The following AZIN2 variants were observed in gnomAD, a reference collection of about 807,000 sequenced individuals.
AZIN2 encodes the protein ODC antizyme inhibitor-2.
Under a neutral mutation model 47.8 loss-of-function variants are expected in AZIN2, and 28 were observed. The observed-to-expected ratio is 0.59, with a 90% confidence interval of 0.43 to 0.80. The LOEUF (loss-of-function observed/expected upper bound fraction) is 0.80. AZIN2 is among the 30% of genes least tolerant of loss of function. The pLI is 0.00. For missense variants in AZIN2, 535 were observed against 582.5 expected, an observed-to-expected ratio of 0.92 and a Z score of 0.84; for synonymous variants, 221 against 239.4, an observed-to-expected ratio of 0.92 and a Z score of 0.71.
chr1:33,151,258 G>A, the AZIN2 span, among the ~76,000 whole-genome samples: 1 of 152,120 alleles, frequency 6.6e-6, no homozygotes, highest in South Asian at 2.1e-4. Context: ...CAGGGGACAG[G>A]ATGGGTACAG....
At chr1:33,134,660 G>A in the AZIN2 span, among the ~76,000 whole-genome samples, 2 of 152,216 alleles carry the variant, frequency 1.3e-5, no homozygotes, top group South Asian at 4.1e-4. Flanking sequence ...ACGCAGGGAA[G>A]CTGTGGCATG....
chr1:33,112,522 T>C (rs913626736), intron 10 of AZIN2, among the ~76,000 whole-genome samples: 2 of 152,116 alleles, frequency 1.3e-5, no homozygotes, highest in Non-Finnish European at 2.9e-5. Context: ...GGTACACTCA[T>C]GGAAAACAAA....
the AZIN2 span, among the ~76,000 whole-genome samples, chr1:33,131,161 A>T: frequency 6.6e-6 from 1 of 152,214 alleles, no homozygotes; most frequent in Non-Finnish European, 1.5e-5. Context: ...ATCAAGGAAG[A>T]GCTGGAGGGA....
the AZIN2 span, among the ~76,000 whole-genome samples, chr1:33,134,187 A>C: frequency 1.3e-5 from 2 of 152,230 alleles, no homozygotes; most frequent in African/African-American, 2.4e-5. Flanking sequence ...GGCACGTGGC[A>C]GTCCCTCAAT....
chr1:33,096,944 T>C, intron 9 of AZIN2, 75 bp downstream of exon 9: 1 of 1,577,246 alleles, frequency 6.3e-7, no homozygotes, highest in Non-Finnish European at 8.7e-7. Context: ...CAGGATCTGG[T>C]TTTAGACCCA....
At chr1:33,107,549 C>T (rs1030216276) in intron 10 of AZIN2, among the ~76,000 whole-genome samples, 2 of 152,062 alleles carry the variant, frequency 1.3e-5, no homozygotes. Context: ...CACTGCACTC[C>T]AGCCTGGCGA....
chr1:33,165,410 G>C, the AZIN2 span: 8 of 1,177,658 alleles, frequency 6.8e-6, no homozygotes, highest in South Asian at 1.4e-5. This position sits in a 1 kb window ranked among gnomAD's most constrained non-coding sequence, Gnocchi z 4.0. Context: ...AGCTGGCCCC[G>C]CCCCTCGAAG....
At chr1:33,161,727 C>G in the AZIN2 span, among the ~76,000 whole-genome samples, 4 of 152,204 alleles carry the variant, frequency 2.6e-5, no homozygotes, top group African/African-American at 9.7e-5. The surrounding 1 kb of genome is among the most constrained non-coding windows in gnomAD (Gnocchi z 4.3). Flanking sequence ...CCTGCACCAC[C>G]TGGAGCTGCC....
chr1:33,165,462 C>T, the AZIN2 span: 1 of 1,589,362 alleles, frequency 6.3e-7, no homozygotes, highest in East Asian at 2.3e-5. The surrounding 1 kb of genome is among the most constrained non-coding windows in gnomAD (Gnocchi z 4.0). Context: ...GCGCCCCGGC[C>T]AGGCTCACCT....
chr1:33,130,159 G>A, the AZIN2 span, among the ~76,000 whole-genome samples: 32 of 152,270 alleles, frequency 2.1e-4, no homozygotes, highest in African/African-American at 7.2e-4. Flanking sequence ...GCACCTGGCC[G>A]TAGCTTTGCA....
the AZIN2 span, among the ~76,000 whole-genome samples, chr1:33,148,605 A>G: frequency 2.0e-5 from 3 of 152,242 alleles, no homozygotes; most frequent in Admixed American, 2.0e-4. Context: ...ACATGTTGAC[A>G]TACAAAATAT....
At chr1:33,124,806 T>C (rs988501890), downstream of AZIN2, among the ~76,000 whole-genome samples, 10 of 152,222 alleles carry the variant, frequency 6.6e-5, no homozygotes, top group Non-Finnish European at 1.3e-4. This position sits in a 1 kb window ranked among gnomAD's most constrained non-coding sequence, Gnocchi z 4.6. Flanking sequence ...TTGCTCAGAA[T>C]GATGGTTTCC....
At chr1:33,138,206 G>A in the AZIN2 span, among the ~76,000 whole-genome samples, 1 of 152,162 alleles carries the variant, frequency 6.6e-6, no homozygotes, top group African/African-American at 2.4e-5. Context: ...ACTCAGAATG[G>A]GGGTTAGGAA....
Position 33,096,743 on chromosome 1 carries a change from T to C in AZIN2, c.790T>C (p.Phe264Leu), listed in dbSNP as rs755503582. The C allele has an allele frequency of 1.2e-6, 2 of 1,614,242 alleles. No individual in the cohort carries two copies. Among genetic ancestry groups the C allele is most frequent in the South Asian group, 2.2e-5 (2 of 91,092 alleles). Reference protein sequence around the residue: ...SVINSALDLYFPEGCGVDIFA... With the variant: ...SVINSALDLYLPEGCGVDIFA... ...GATCAACTCAGCCTTGGACCTGTAC[T>C]TCCCAGAGGGCTGTGGCGTGGACAT... The change falls in exon 9 of 12, where the codon TTC (phenylalanine) becomes CTC (leucine). Residue 264 changes from phenylalanine to leucine, a missense_variant. By Grantham distance (22) the Phe-to-Leu change is conservative. Around this residue, in one of 3 missense-constraint regions of AZIN2, gnomAD observed 409 missense variants for 429.0 expected, o/e 0.95. Transcript: ENST00000294517.
In AZIN2 at chr1:33,081,727, G is replaced by A. The variant is rs146133541; in HGVS notation, c.-158G>A. On this transcript the variant is annotated 5_prime_UTR_variant, in exon 3 of 12. Transcript: ENST00000294517. The surrounding 1 kb of genome is among the most constrained non-coding windows in gnomAD (Gnocchi z 4.2). ...GCTCCGAAAGGGTCAGAGGGTACCCGAGGTCAAGCAGTAGAGAGCGGACTC... is the reference window on the plus strand; with the variant it reads ...GCTCCGAAAGGGTCAGAGGGTACCCAAGGTCAAGCAGTAGAGAGCGGACTC... 5.4e-3 allele frequency: 1,023 copies of A among 188,444 alleles called. 13 individuals are homozygous for A. The highest frequency in any genetic ancestry group is 0.023 in the African/African-American group (969 of 41,762). 11.7% of individuals were successfully genotyped at this position (188,444 alleles called of 1,614,324 possible). A position where few individuals can be genotyped will look rare whatever the true frequency, so the allele number is the denominator to read the frequency against.
At chr1:33,145,847 C>T in the AZIN2 span, 4 of 471,062 alleles carry the variant, frequency 8.5e-6, no homozygotes, top group Middle Eastern at 3.2e-4. Flanking sequence ...CTCCACCCAC[C>T]CTAACTTCCT....
chr1:33,149,161 T>G, the AZIN2 span, among the ~76,000 whole-genome samples: 19 of 152,270 alleles, frequency 1.2e-4, no homozygotes, highest in African/African-American at 3.9e-4. Flanking sequence ...TTTTTCTTAT[T>G]TATTTATTGG....
At chr1:33,099,833 A>G (rs182035887) in intron 10 of AZIN2, among the ~76,000 whole-genome samples, 28 of 152,336 alleles carry the variant, frequency 1.8e-4, no homozygotes, top group Admixed American at 1.8e-3. Flanking sequence ...GGAATAAGAC[A>G]TTGCATAGAT....
chr1:33,115,684 C>CAA (rs1232910070), intron 10 of AZIN2, among the ~76,000 whole-genome samples: 1 of 152,136 alleles, frequency 6.6e-6, no homozygotes, highest in Admixed American at 6.5e-5. Context: ...GCCTCGATGA[C>CAA]AGAGTGAGAC....
Sources: allele counts gnomAD v4.1 joint callset (sites outside exome capture counted in the v4.1 genomes callset), GRCh38; gene constraint gnomAD v4.1.1; regional missense constraint gnomAD v4.1.1; non-coding constraint Gnocchi (gnomAD v3.1); transcripts MANE v1.5; gene names NCBI Gene and HGNC (gene_info 2026-07-23, HGNC 2026-07-21).